The following VPS54 variants were observed in gnomAD, a reference collection of about 807,000 sequenced individuals.
VPS54 encodes vacuolar protein sorting-associated protein 54.
VPS54 carries 45 observed loss-of-function variants against 121.5 expected under a neutral mutation model. That is an observed-to-expected ratio of 0.37 (90% CI 0.29 to 0.47). The LOEUF (loss-of-function observed/expected upper bound fraction) is 0.47, where lower values mean the gene tolerates loss of function less well. VPS54 is among the 20% of genes least tolerant of loss of function. The probability of loss-of-function intolerance (pLI) is 0.99; values close to 1 mark genes in which losing one functional copy is unlikely to be tolerated. For synonymous variants in VPS54, 371 were observed against 385.8 expected (o/e 0.96, Z 0.45); for missense variants, 1,090 against 1,131.4 (o/e 0.96, Z 0.52).
chr2:63,973,646 T>C (rs1676387170), intron 3 of VPS54, among the ~76,000 whole-genome samples: 1 of 151,496 alleles, frequency 6.6e-6, no homozygotes, highest in African/African-American at 2.4e-5. Context: ...GCTCAAGCAA[T>C]CTTTCTGCCT....
intron 11 of VPS54, among the ~76,000 whole-genome samples, chr2:63,940,445 C>G (rs994398849): frequency 6.6e-6 from 1 of 152,090 alleles, no homozygotes; most frequent in African/African-American, 2.4e-5. Flanking sequence ...AAAATAATAA[C>G]TCTACTTAGT....
At chr2:63,927,218 A>AC (rs940619358) in intron 12 of VPS54, among the ~76,000 whole-genome samples, 2 of 151,870 alleles carry the variant, frequency 1.3e-5, no homozygotes, top group Admixed American at 6.5e-5. Flanking sequence ...TGGATCCCTG[A>AC]CCCCCGTGCA....
rs746300070 is a variant in VPS54, at chr2:63,983,987, G to C, written c.13C>G (p.His5Asp). 2.5e-6 allele frequency: 4 copies of C among 1,609,028 alleles called. No individual in the cohort carries two copies. The highest frequency in any genetic ancestry group is 3.4e-6 in the Non-Finnish European group (4 of 1,177,374). ...CCTTGAGGCACTGGTGAAGAACTGT[G>C]GCTTGAAGCCATTGCATAAAATCAC... MASS[H>D]SSSPVPQGSS... The change falls in exon 2 of 23, where the codon CAC (histidine) becomes GAC (aspartate). Residue 5 changes from histidine to aspartate, a missense_variant. This residue lies in a region of VPS54 where 801 missense variants were observed against 757.0 expected (regional missense o/e 1.06). Coordinates refer to ENST00000272322, the MANE Select transcript of VPS54 (RefSeq NM_016516.3).
At chr2:63,998,300 T>C (rs1677702222) in intron 1 of VPS54, among the ~76,000 whole-genome samples, 2 of 152,198 alleles carry the variant, frequency 1.3e-5, no homozygotes. Context: ...TGTGTGTCTT[T>C]ATAGGTGAAG....
Position 63,981,848 on chromosome 2 carries a change from G to GT in VPS54, c.175dup (p.Thr59AsnfsTer5), listed in dbSNP as rs760193618. ...ATATACAGTCCATCTATGTTGATCT[G>GT]TAACTAGAGATGGGGCAACATATAA... On this transcript the variant is annotated frameshift_variant, in exon 3 of 23. Coordinates refer to ENST00000272322, the MANE Select transcript of VPS54 (RefSeq NM_016516.3). LOFTEE classifies it high-confidence loss of function. 1.9e-6 allele frequency: 3 copies of GT among 1,613,122 alleles called. No homozygotes were observed. Among genetic ancestry groups the GT allele is most frequent in the Non-Finnish European group, 2.5e-6 (3 of 1,179,542 alleles).
Position 63,913,323 on chromosome 2 carries a change from G to A in VPS54, c.2335-13C>T, listed in dbSNP as rs1158062383. The A allele has an allele frequency of 1.3e-6, 2 of 1,595,030 alleles. No individual in the cohort carries two copies. Among genetic ancestry groups the A allele is most frequent in the African/African-American group, 2.7e-5 (2 of 73,800 alleles). ...TTGAATTGAAGTACTAACAAAAGAAGGAGAAAAAAACCCCAAAATTTACTA... is the reference window on the plus strand; with the variant it reads ...TTGAATTGAAGTACTAACAAAAGAAAGAGAAAAAAACCCCAAAATTTACTA... On this transcript the variant is annotated splice_polypyrimidine_tract_variant and intron_variant, in intron 17 of 22. Coordinates refer to ENST00000272322, the MANE Select transcript of VPS54 (RefSeq NM_016516.3).
chr2:63,911,851 T>C (rs934081545), intron 20 of VPS54, among the ~76,000 whole-genome samples: 21 of 152,192 alleles, frequency 1.4e-4, no homozygotes, highest in Non-Finnish European at 2.5e-4. Context: ...CAGTGAAAGA[T>C]AGATCAAGCG....
intron 4 of VPS54, among the ~76,000 whole-genome samples, chr2:63,970,236 CAT>C (rs1553480346): frequency 3.7e-5 from 3 of 81,038 alleles, no homozygotes; most frequent in East Asian, 2.5e-4. Flanking sequence ...CACACACACA[CAT>C]TCTAATATAT....
chr2:63,907,348 G>A (rs1022951581), intron 20 of VPS54, among the ~76,000 whole-genome samples: 7 of 151,752 alleles, frequency 4.6e-5, no homozygotes, highest in African/African-American at 1.2e-4. Context: ...GAGAAACCTC[G>A]TCTCTATTAA....
chr2:63,976,313 C>T (rs926867334), intron 3 of VPS54, among the ~76,000 whole-genome samples: 11 of 148,502 alleles, frequency 7.4e-5, no homozygotes, highest in Non-Finnish European at 1.2e-4. Flanking sequence ...ATCCTGCCAC[C>T]GCACTCCAGC....
intron 11 of VPS54, among the ~76,000 whole-genome samples, chr2:63,937,027 T>G (rs186570280): frequency 3.3e-5 from 5 of 152,108 alleles, no homozygotes; most frequent in African/African-American, 1.2e-4. Context: ...AAATATAAGC[T>G]CTAAAAATAT....
intron 4 of VPS54, among the ~76,000 whole-genome samples, chr2:63,970,212 T>TACACACACACAC (rs150635007): frequency 1.8e-5 from 2 of 113,670 alleles, no homozygotes; most frequent in Admixed American, 1.1e-4. Flanking sequence ...AATATATATA[T>TACACACACACAC]ACACACACAC....
At chr2:64,004,622 G>T (rs187519160) in intron 1 of VPS54, among the ~76,000 whole-genome samples, 3 of 152,254 alleles carry the variant, frequency 2.0e-5, no homozygotes, top group Admixed American at 2.0e-4. Flanking sequence ...TCTAGATCAG[G>T]AGTTAAGCTT....
chr2:63,974,766 T>C (rs1676445179), intron 3 of VPS54, among the ~76,000 whole-genome samples: 1 of 152,216 alleles, frequency 6.6e-6, no homozygotes, highest in Non-Finnish European at 1.5e-5. Context: ...GTAATTAACT[T>C]TTATATATTA....
At chr2:63,958,684 C>T (rs993319293) in intron 7 of VPS54, among the ~76,000 whole-genome samples, 5 of 152,092 alleles carry the variant, frequency 3.3e-5, no homozygotes, top group African/African-American at 1.2e-4. Context: ...CCATTGCACT[C>T]CAGCCTGGGT....
chr2:63,936,108 G>C (rs372209281), intron 11 of VPS54, among the ~76,000 whole-genome samples: 1 of 152,094 alleles, frequency 6.6e-6, no homozygotes, highest in East Asian at 1.9e-4. Flanking sequence ...TTAATTCCCA[G>C]AGCCAATACA....
chr2:63,917,905 T>A (rs1673464521), intron 15 of VPS54, among the ~76,000 whole-genome samples: 2 of 152,000 alleles, frequency 1.3e-5, no homozygotes, highest in African/African-American at 4.8e-5. Context: ...AAAATAGGAA[T>A]ACTAATAATA....
chr2:63,922,716 A>C (rs561419810), intron 12 of VPS54, among the ~76,000 whole-genome samples: 1 of 152,306 alleles, frequency 6.6e-6, no homozygotes, highest in Admixed American at 6.5e-5. Context: ...ATTTCTATAT[A>C]AACAGTCTAG....
chr2:63,986,965 T>C lies in VPS54; in HGVS notation c.-20-2946A>G, dbSNP rs145164910. ...GTTTGAGCTCCCTATATATTCTTGT[T>C]ATTAATCCCTTGTCAGATGGGTAGT... On this transcript the variant is annotated intron_variant, in intron 1 of 22. Transcript: ENST00000272322. Among the ~76,000 whole-genome samples the C allele has an allele frequency of 6.6e-4, 100 of 152,358 alleles. 1 individual carries two copies. The highest frequency in any genetic ancestry group is 1.2e-3 in the Admixed American group (18 of 15,306).
Sources: gnomAD v4.1 joint callset for allele counts (sites outside exome capture counted in the v4.1 genomes callset) on GRCh38, gnomAD v4.1.1 for gene constraint, gnomAD v4.1.1 regional missense constraint, MANE v1.5 for transcripts, NCBI Gene and HGNC (gene_info 2026-07-23, HGNC 2026-07-21) for gene names.